Variants in MCPH1 observed in about 807,000 individuals in gnomAD.
MCPH1 encodes the protein microcephalin.
MCPH1 carries 104 observed loss-of-function variants against 84.5 expected under a neutral mutation model. That is an observed-to-expected ratio of 1.23 (90% CI 1.05 to 1.45). MCPH1 has a LOEUF of 1.45. Ranked by LOEUF, MCPH1 falls within the 40% of genes most tolerant of loss-of-function variation. The pLI is 0.00. For missense variants in MCPH1, 1,498 were observed against 1,005.7 expected, an observed-to-expected ratio of 1.49 and a Z score of -6.62; for synonymous variants, 514 against 366.8, an observed-to-expected ratio of 1.40 and a Z score of -4.58.
intron 8 of MCPH1, among the ~76,000 whole-genome samples, chr8:6,449,582 G>A (rs866932627): frequency 1.3e-5 from 2 of 151,698 alleles, no homozygotes; most frequent in African/African-American, 4.8e-5. Context: ...GCGGTGAGCC[G>A]AGATCATGCC....
Position 6,444,701 on chromosome 8 carries a change from G to A in MCPH1, c.979G>A (p.Glu327Lys). Residue 327 changes from glutamate (E) to lysine (K), a missense_variant, in exon 8 of 14, where the codon GAA (glutamate) becomes AAA (lysine). Glu to Lys is a moderately conservative substitution (Grantham distance 56). Transcript: ENST00000344683. ...QAAGMSQETF[E>K]EKYRLSPTLS... Reference sequence around the variant, plus strand: ...TGCAGGTATGTCTCAGGAGACGTTTGAAGAGAAGTATCGTTTGTCTCCTAC... The same window carrying A: ...TGCAGGTATGTCTCAGGAGACGTTTAAAGAGAAGTATCGTTTGTCTCCTAC... The A allele has an allele frequency of 6.2e-7, 1 of 1,614,106 alleles. No individual in the cohort carries two copies. Among genetic ancestry groups the A allele is most frequent in the Non-Finnish European group, 8.5e-7 (1 of 1,180,022 alleles).
rs367679884 is a variant in MCPH1, at chr8:6,504,164, A to G, written c.2214+4235A>G. The stretch of plus-strand genomic sequence containing the variant: ...AAACCCCGTCTCTACTAAAAATACA[A>G]AAAATTAGCCGGGCGTGGTGGCGGA... On this transcript the variant is annotated intron_variant, in intron 12 of 13. Transcript: ENST00000344683. Among the ~76,000 whole-genome samples the G allele has an allele frequency of 3.7e-3, 565 of 151,950 alleles. 4 individuals carry two copies. The highest frequency in any genetic ancestry group is 0.013 in the African/African-American group (525 of 41,452).
chr8:6,513,801 A>T (rs1404424707), intron 12 of MCPH1: 1 of 1,613,962 alleles, frequency 6.2e-7, no homozygotes, highest in Non-Finnish European at 8.5e-7. Context: ...TTGCGAAACA[A>T]ACTCATTTCC....
In MCPH1 at chr8:6,526,594, A is replaced by G. The variant is rs187671019; in HGVS notation, c.2214+26665A>G. On this transcript the variant is annotated intron_variant, in intron 12 of 13. Transcript: ENST00000344683. ...ATTTGCTTTTCAAAACCCTAAATCA[A>G]TAATGACTTAAACTTGGTATCCAAA... Among the ~76,000 whole-genome samples, 41 of 152,364 alleles carry G rather than the reference A, an allele frequency of 2.7e-4. 1 individual carries two copies. The highest frequency in any genetic ancestry group is 2.1e-3 in the Admixed American group (32 of 15,308).
intron 12 of MCPH1, chr8:6,514,818 C>G (rs745762047): frequency 6.4e-7 from 1 of 1,556,044 alleles, no homozygotes; most frequent in South Asian, 1.1e-5. Context: ...CAGAGCCCCC[C>G]CACTCCCCCC....
rs972463393 is a variant in MCPH1, at chr8:6,645,353, C to T, written c.*2304C>T. 1 of 152,032 alleles carries T rather than the reference C, an allele frequency of 6.6e-6. No individual in the cohort carries two copies. Among genetic ancestry groups the T allele is most frequent in the Non-Finnish European group, 1.5e-5 (1 of 68,016 alleles). The allele number at this position is 152,032 out of a possible 1,614,324, so 9.4% of individuals were successfully genotyped here. A position where few individuals can be genotyped will look rare whatever the true frequency, so the allele number is the denominator to read the frequency against. On this transcript the variant is annotated 3_prime_UTR_variant, in exon 14 of 14. Coordinates refer to ENST00000344683, the MANE Select transcript of MCPH1 (RefSeq NM_024596.5). ...TACTTCATTTTACCCTTTCAACAATCCTATTAGTAGCTTACTGTGGGTCTG... is the reference window on the plus strand; with the variant it reads ...TACTTCATTTTACCCTTTCAACAATTCTATTAGTAGCTTACTGTGGGTCTG...
intron 9 of MCPH1, among the ~76,000 whole-genome samples, chr8:6,457,852 A>G (rs1260833630): frequency 6.6e-6 from 1 of 152,122 alleles, no homozygotes; most frequent in Non-Finnish European, 1.5e-5. Flanking sequence ...CTTTGCTTGA[A>G]TGAATCAAAA....
rs1563197714 is a variant in MCPH1 at position 6,431,501 on chromosome 8, G to T, written c.236G>T (p.Cys79Phe). 2 of 1,612,030 alleles carry T rather than the reference G, an allele frequency of 1.2e-6. No individual in the cohort carries two copies. Among genetic ancestry groups the T allele is most frequent in the Non-Finnish European group, 1.7e-6 (2 of 1,178,366 alleles). Reference protein sequence around the residue: ...KLVSVLWVEKCRTAGAHIDES... With the variant: ...KLVSVLWVEKFRTAGAHIDES... ...ACTACCTTAATTTAATTATACAGAT[G>T]CAGGACAGCTGGAGCACACATTGAT... The change falls in exon 4 of 14, where the codon TGC becomes TTC. Residue 79 changes from cysteine (C) to phenylalanine (F), a missense_variant and splice_region_variant. Physicochemically the swap from Cys to Phe is radical, Grantham distance 205 (BLOSUM62 -2). Coordinates refer to ENST00000344683, the MANE Select transcript of MCPH1 (RefSeq NM_024596.5).
intron 4 of MCPH1, 109 bp downstream of exon 4, chr8:6,431,695 A>ATATGC (rs1391997599): frequency 9.7e-6 from 7 of 724,876 alleles, no homozygotes; most frequent in Non-Finnish European, 1.6e-5. Flanking sequence ...GTTGTCTTAA[A>ATATGC]TATGCTATTG....
At chr8:6,549,391 G>C (rs918471183) in intron 12 of MCPH1, among the ~76,000 whole-genome samples, 1 of 152,210 alleles carries the variant, frequency 6.6e-6, no homozygotes, top group South Asian at 2.1e-4. Flanking sequence ...TCAAAACCTA[G>C]CAAAATTAAC....
At chr8:6,518,042 A>G (rs1385762430) in intron 12 of MCPH1, among the ~76,000 whole-genome samples, 2 of 152,062 alleles carry the variant, frequency 1.3e-5, no homozygotes, top group African/African-American at 2.4e-5. Context: ...AGAGTACTAT[A>G]TATTTTCATC....
chr8:6,485,786 A>G (rs565758982), intron 11 of MCPH1, among the ~76,000 whole-genome samples: 6 of 152,278 alleles, frequency 3.9e-5, no homozygotes, highest in East Asian at 1.9e-4. Context: ...CAGGTATATC[A>G]CACATATATA....
chr8:6,643,546 A>T lies in MCPH1; in HGVS notation c.*497A>T, dbSNP rs1798066899. On this transcript the variant is annotated 3_prime_UTR_variant, in exon 14 of 14. Transcript: ENST00000344683. The stretch of plus-strand genomic sequence containing the variant: ...TATAGAATTCCAGTCTTTGTGTCTT[A>T]GTCATGATCATAATTGAAAGGTCAC... 1 of 174,678 alleles carries T rather than the reference A, an allele frequency of 5.7e-6. No homozygotes were observed. Among genetic ancestry groups the T allele is most frequent in the Non-Finnish European group, 1.2e-5 (1 of 80,776 alleles). The allele number at this position is 174,678 out of a possible 1,614,324, so 10.8% of individuals were successfully genotyped here. A position where few individuals can be genotyped will look rare whatever the true frequency, so the allele number is the denominator to read the frequency against.
At chr8:6,493,277 A>G (rs1224642385) in intron 11 of MCPH1, among the ~76,000 whole-genome samples, 1 of 152,194 alleles carries the variant, frequency 6.6e-6, no homozygotes, top group African/African-American at 2.4e-5. Context: ...AGAATCACCC[A>G]TTTTCATTTT....
Position 6,646,264 on chromosome 8 carries a change from G to C in MCPH1, c.*3215G>C, listed in dbSNP as rs1387516455. ...ACTTGGTGAAACCTTGTCTCTACTA[G>C]AAATACAAAAAATTAGCCAGGCATG... is the stretch of plus-strand genomic sequence containing the variant. On this transcript the variant is annotated 3_prime_UTR_variant, in exon 14 of 14. Coordinates refer to ENST00000344683, the MANE Select transcript of MCPH1 (RefSeq NM_024596.5). The C allele has an allele frequency of 6.6e-6, 1 of 151,950 alleles. No individual in the cohort carries two copies. Among genetic ancestry groups the C allele is most frequent in the Non-Finnish European group, 1.5e-5 (1 of 67,994 alleles). The allele number at this position is 151,950 out of a possible 1,614,324, so 9.4% of individuals were successfully genotyped here.
At position 6,526,935 on chromosome 8, in the gene MCPH1, TATA is replaced by T. The variant is rs1289394549; in HGVS notation, c.2214+27009_2214+27011del. Among the ~76,000 whole-genome samples the T allele has an allele frequency of 9.8e-5, 15 of 152,312 alleles. No individual in the cohort carries two copies. The East Asian group carries it at 2.7e-3, about 27-fold the overall frequency. On this transcript the variant is annotated intron_variant, in intron 12 of 13. Coordinates refer to ENST00000344683, the MANE Select transcript of MCPH1 (RefSeq NM_024596.5). ...TTTCTATATTTTATTTAAATATTAA[TATA>T]ATCATGTTTAATATTTTTGGTTTTA...
In MCPH1 at chr8:6,567,465, C is replaced by T. The variant is rs75901172; in HGVS notation, c.2215-53989C>T. Reference sequence around the variant, plus strand: ...CCTTCTGTGTGGCTGCTTACAGGGGCTTACTAACGGGATAGAATAGGTGCT... The same window carrying T: ...CCTTCTGTGTGGCTGCTTACAGGGGTTTACTAACGGGATAGAATAGGTGCT... On this transcript the variant is annotated intron_variant, in intron 12 of 13. Transcript: ENST00000344683. 7.9e-4 allele frequency among the ~76,000 whole-genome samples: 121 copies of T among 152,314 alleles called. 1 individual carries two copies. Among genetic ancestry groups the T allele is most frequent in the Non-Finnish European group, 1.3e-3 (89 of 68,022 alleles).
At chr8:6,557,414 G>T (rs1223353465) in intron 12 of MCPH1, among the ~76,000 whole-genome samples, 3 of 152,172 alleles carry the variant, frequency 2.0e-5, no homozygotes, top group Non-Finnish European at 2.9e-5. Context: ...ACCCTGTTGC[G>T]ATTGCTGCCT....
intron 9 of MCPH1, among the ~76,000 whole-genome samples, chr8:6,456,480 C>T (rs1265795948): frequency 6.6e-6 from 1 of 152,114 alleles, no homozygotes; most frequent in Non-Finnish European, 1.5e-5. Context: ...AATAAAGAAC[C>T]AGTTTCCTTT....
Sources: gnomAD v4.1 joint callset for allele counts (sites outside exome capture counted in the v4.1 genomes callset) on GRCh38, gnomAD v4.1.1 for gene constraint, MANE v1.5 for transcripts, NCBI Gene and HGNC (gene_info 2026-07-23, HGNC 2026-07-21) for gene names.